Variants in PTPRT observed in about 807,000 individuals in gnomAD.
PTPRT encodes protein tyrosine phosphatase receptor type T, also known as receptor-type tyrosine-protein phosphatase T.
A neutral mutation model predicts 176.8 loss-of-function variants in PTPRT; 56 were observed. The observed-to-expected ratio is 0.32, with a 90% confidence interval of 0.26 to 0.40. The LOEUF (loss-of-function observed/expected upper bound fraction) is 0.40, where lower values mean the gene tolerates loss of function less well. Among genes scored for constraint, PTPRT ranks in the 10% least tolerant of loss-of-function variants. The pLI is 1.00. For missense variants in PTPRT, 1,540 were observed against 1,908.2 expected, an observed-to-expected ratio of 0.81 and a Z score of 3.60; for synonymous variants, 783 against 739.0, an observed-to-expected ratio of 1.06 and a Z score of -0.96.
chr20:42,294,676 T>C (rs573410623), intron 12 of PTPRT, among the ~76,000 whole-genome samples: 1 of 151,876 alleles, frequency 6.6e-6, no homozygotes, highest in East Asian at 1.9e-4. Flanking sequence ...GATGAAAATC[T>C]ACCCCTAACA....
intron 2 of PTPRT, among the ~76,000 whole-genome samples, chr20:42,828,928 G>A (rs1169205636): frequency 6.6e-6 from 1 of 152,108 alleles, no homozygotes; most frequent in East Asian, 1.9e-4. Context: ...AATCTCCACT[G>A]GGGCACTACC....
intron 1 of PTPRT, among the ~76,000 whole-genome samples, chr20:42,928,552 G>T (rs539590435): frequency 6.6e-6 from 1 of 152,164 alleles, no homozygotes; most frequent in African/African-American, 2.4e-5. Context: ...GAATATCAGG[G>T]GCCATGGGGA....
intron 1 of PTPRT, among the ~76,000 whole-genome samples, chr20:43,117,352 T>A (rs998535055): frequency 6.6e-6 from 1 of 152,204 alleles, no homozygotes; most frequent in African/African-American, 2.4e-5. Context: ...TTCTAGAGTT[T>A]GTGTATATTT....
intron 9 of PTPRT, among the ~76,000 whole-genome samples, chr20:42,415,202 AGAAG>A (rs1253149847): frequency 6.6e-6 from 1 of 152,124 alleles, no homozygotes; most frequent in East Asian, 1.9e-4. Flanking sequence ...CTGATTTTAG[AGAAG>A]GGTCTTGCTC....
chr20:42,097,663 A>T (rs775348558), intron 27 of PTPRT, among the ~76,000 whole-genome samples: 2 of 152,226 alleles, frequency 1.3e-5, no homozygotes, highest in Non-Finnish European at 1.5e-5. Context: ...AAAAATTTTT[A>T]AATTCCCATC....
chr20:42,278,684 GC>G (rs2057089117), intron 13 of PTPRT, among the ~76,000 whole-genome samples: 1 of 152,144 alleles, frequency 6.6e-6, no homozygotes, highest in Admixed American at 6.5e-5. Flanking sequence ...TTTTCCCTTG[GC>G]CTGCTCTGTC....
chr20:42,154,629 G>A (rs1473253744), intron 17 of PTPRT, among the ~76,000 whole-genome samples: 2 of 152,172 alleles, frequency 1.3e-5, no homozygotes, highest in African/African-American at 2.4e-5. Flanking sequence ...TCATTATGGC[G>A]ACAGCCTGTC....
chr20:42,418,991 C>A (rs995437606), intron 9 of PTPRT, among the ~76,000 whole-genome samples: 11 of 152,334 alleles, frequency 7.2e-5, no homozygotes, highest in South Asian at 6.2e-4. Context: ...CGTATCCCAA[C>A]TGCATAGAAC....
chr20:42,270,365 C>A, intron 13 of PTPRT: 2 of 1,124,348 alleles, frequency 1.8e-6, no homozygotes, highest in Non-Finnish European at 2.6e-6. Context: ...GGCAACTCTC[C>A]CCTCCCACCC....
intron 7 of PTPRT, among the ~76,000 whole-genome samples, chr20:42,630,099 T>G (rs1433137836): frequency 1.3e-5 from 2 of 152,120 alleles, no homozygotes; most frequent in African/African-American, 2.4e-5. Flanking sequence ...TAATCACAAG[T>G]GTCCTTGTAA....
intron 2 of PTPRT, among the ~76,000 whole-genome samples, chr20:42,817,874 C>A (rs980390202): frequency 6.6e-6 from 1 of 152,216 alleles, no homozygotes; most frequent in African/African-American, 2.4e-5. Context: ...TCGGATCCCC[C>A]TGGACCTGAG....
chr20:42,573,090 CA>C (rs1199218217), intron 7 of PTPRT, among the ~76,000 whole-genome samples: 2 of 152,012 alleles, frequency 1.3e-5, no homozygotes, highest in Non-Finnish European at 2.9e-5. Flanking sequence ...TGTCAAATTA[CA>C]GAATGAATTA....
intron 15 of PTPRT, among the ~76,000 whole-genome samples, chr20:42,215,060 A>G (rs2055736274): frequency 6.6e-6 from 1 of 152,234 alleles, no homozygotes; most frequent in South Asian, 2.1e-4. Flanking sequence ...CCTACCAAAT[A>G]AGCTCTACAT....
At chr20:43,044,260 G>T (rs1319434983) in intron 1 of PTPRT, among the ~76,000 whole-genome samples, 1 of 152,126 alleles carries the variant, frequency 6.6e-6, no homozygotes, top group Non-Finnish European at 1.5e-5. Flanking sequence ...CAGAAGGCAA[G>T]TCTGACCAGA....
At chr20:43,164,949 C>T (rs1010263250) in intron 1 of PTPRT, among the ~76,000 whole-genome samples, 1 of 152,088 alleles carries the variant, frequency 6.6e-6, no homozygotes, top group Non-Finnish European at 1.5e-5. Context: ...CTAGGCTAAA[C>T]TCAGTCAAGT....
chr20:42,463,396 A>G (rs936267114), intron 8 of PTPRT, among the ~76,000 whole-genome samples: 3 of 152,018 alleles, frequency 2.0e-5, no homozygotes, highest in African/African-American at 7.2e-5. Flanking sequence ...ATTACTTTAT[A>G]ATTTCATTCT....
At chr20:42,159,702 C>A (rs1380505463) in intron 17 of PTPRT, among the ~76,000 whole-genome samples, 2 of 152,160 alleles carry the variant, frequency 1.3e-5, no homozygotes, top group East Asian at 1.9e-4. Context: ...TAAGTGCTAG[C>A]TCTCCCAAGC....
rs891232407 is a variant in PTPRT, at chr20:42,461,278, G to C, written c.1450+10988C>G. ...GGAGGCGGAGGTTGCGGTGAGCCAA[G>C]ATCGTGCCATTGCACTCCAGCCTGG... On this transcript the variant is annotated intron_variant, in intron 8 of 30. Coordinates refer to ENST00000373187, the MANE Select transcript of PTPRT (RefSeq NM_007050.6). 2.0e-5 allele frequency among the ~76,000 whole-genome samples: 3 copies of C among 152,226 alleles called. No individual in the cohort carries two copies. In the East Asian group the frequency reaches 5.8e-4, roughly 29 times the overall value.
intron 1 of PTPRT, among the ~76,000 whole-genome samples, chr20:42,891,832 A>T (rs1030026060): frequency 2.0e-5 from 3 of 152,202 alleles, no homozygotes; most frequent in African/African-American, 7.2e-5. Flanking sequence ...ATTAACGTAG[A>T]TGTAGGTGAC....
Sources: gnomAD v4.1 joint callset for allele counts (sites outside exome capture counted in the v4.1 genomes callset) on GRCh38, gnomAD v4.1.1 for gene constraint, MANE v1.5 for transcripts, NCBI Gene and HGNC (gene_info 2026-07-23, HGNC 2026-07-21) for gene names.